The following PAMR1 variants were observed in gnomAD, a reference collection of about 807,000 sequenced individuals.
PAMR1 encodes peptidase domain containing associated with muscle regeneration 1, also known as inactive serine protease PAMR1.
Under a neutral mutation model 81.8 loss-of-function variants are expected in PAMR1, and 88 were observed. The ratio of observed to expected loss-of-function variants is 1.08; its 90% CI spans 0.91 to 1.28. The LOEUF (loss-of-function observed/expected upper bound fraction) is 1.28. Ranked by LOEUF, PAMR1 falls within the 50% of genes most tolerant of loss-of-function variation. The pLI, the probability that PAMR1 is intolerant of heterozygous loss-of-function variation, is 0.00. For synonymous variants in PAMR1, 336 were observed against 345.3 expected (o/e 0.97, Z 0.30); for missense variants, 935 against 919.7 (o/e 1.02, Z -0.21).
At chr11:35,440,867 A>C (rs186121382) in intron 7 of PAMR1, among the ~76,000 whole-genome samples, 90 of 152,152 alleles carry the variant, frequency 5.9e-4, no homozygotes, top group African/African-American at 2.1e-3. Context: ...CTTCACATCT[A>C]CAAATCCTCT....
chr11:35,438,780 G>A (rs1316589767), intron 8 of PAMR1, among the ~76,000 whole-genome samples: 1 of 152,172 alleles, frequency 6.6e-6, no homozygotes, highest in African/African-American at 2.4e-5. Context: ...AACAGAAACA[G>A]ACTACAGGCT....
chr11:35,492,749 T>C (rs774971829), intron 2 of PAMR1, among the ~76,000 whole-genome samples: 7 of 152,164 alleles, frequency 4.6e-5, no homozygotes, highest in Non-Finnish European at 1.0e-4. Context: ...TGTCTAACAA[T>C]AGGCTCACCG....
chr11:35,475,738 T>C (rs189383716), intron 3 of PAMR1, among the ~76,000 whole-genome samples: 8 of 152,318 alleles, frequency 5.3e-5, no homozygotes, highest in African/African-American at 1.7e-4. Context: ...AATAAGGTTT[T>C]ATTGGAACAC....
intron 1 of PAMR1, among the ~76,000 whole-genome samples, chr11:35,500,736 C>T (rs1257270377): frequency 6.6e-6 from 1 of 152,190 alleles, no homozygotes; most frequent in Non-Finnish European, 1.5e-5. Flanking sequence ...AGTGTATTTA[C>T]ACAAATCTAA....
chr11:35,498,270 G>A (rs1350707032), intron 1 of PAMR1, among the ~76,000 whole-genome samples: 3 of 152,162 alleles, frequency 2.0e-5, no homozygotes, highest in Non-Finnish European at 4.4e-5. Context: ...GAGGGAGAGT[G>A]AGAGAGAACA....
Position 35,434,763 on chromosome 11 carries a change from C to CT in PAMR1, c.1374dup (p.Gly459ArgfsTer19). The CT allele has an allele frequency of 6.2e-7, 1 of 1,614,122 alleles. No homozygotes were observed. Among genetic ancestry groups the CT allele is most frequent in the African/African-American group, 1.3e-5 (1 of 75,020 alleles). On this transcript the variant is annotated frameshift_variant, in exon 10 of 11. Coordinates refer to ENST00000619888, the MANE Select transcript of PAMR1 (RefSeq NM_001001991.3). LOFTEE classifies it high-confidence loss of function. ...GCTGCCTGCCACGGCCAGCGCAACC[C>CT]TTGGGTCTTTGGAGCAGTGATGTTC...
intron 1 of PAMR1, among the ~76,000 whole-genome samples, chr11:35,520,176 T>C (rs1005233450): frequency 6.6e-6 from 1 of 152,146 alleles, no homozygotes; most frequent in Admixed American, 6.5e-5. Flanking sequence ...CCATTGATGA[T>C]TGTATCATCA....
chr11:35,517,840 G>A (rs1035464647), intron 1 of PAMR1, among the ~76,000 whole-genome samples: 3 of 152,214 alleles, frequency 2.0e-5, no homozygotes, highest in Non-Finnish European at 4.4e-5. Context: ...CCTGGCACCC[G>A]ATAGGGGCTT....
intron 4 of PAMR1, among the ~76,000 whole-genome samples, chr11:35,472,615 G>GC (rs1017333537): frequency 3.9e-5 from 6 of 152,220 alleles, no homozygotes; most frequent in African/African-American, 1.4e-4. Flanking sequence ...GGTCAAAGAA[G>GC]CCCCCTCTGA....
chr11:35,484,371 CT>C (rs1850460440), intron 3 of PAMR1, among the ~76,000 whole-genome samples: 1 of 152,202 alleles, frequency 6.6e-6, no homozygotes, highest in African/African-American at 2.4e-5. Flanking sequence ...GAGCATTGTT[CT>C]TTTTCTGGGA....
intron 1 of PAMR1, among the ~76,000 whole-genome samples, chr11:35,508,729 T>C (rs1217398511): frequency 7.4e-6 from 1 of 135,956 alleles, no homozygotes; most frequent in East Asian, 2.3e-4. Flanking sequence ...CATTGTTCCC[T>C]TGTGGAACAC....
chr11:35,432,446 C>T lies in PAMR1; in HGVS notation c.2073G>A (p.Trp691Ter). 6.2e-7 allele frequency: 1 copy of T among 1,614,178 alleles called. No individual in the cohort carries two copies. Among genetic ancestry groups the T allele is most frequent in the Non-Finnish European group, 8.5e-7 (1 of 1,180,038 alleles). ...TGTGGCTGCATGTTTTATCATAGCT[C>T]CAGCTGACCAGTCCCATCAGATGCC... Reference protein sequence around the residue: ...PRWHLMGLVSWSYDKTCSHRL... With the variant: ...PRWHLMGLVS The change falls in exon 11 of 11, where the codon TGG becomes TGA. Residue 691 changes from tryptophan to a stop codon, truncating the protein, a stop_gained. Transcript: ENST00000619888. LOFTEE classifies it high-confidence loss of function.
intron 1 of PAMR1, among the ~76,000 whole-genome samples, chr11:35,512,793 C>T (rs998078007): frequency 4.6e-5 from 7 of 152,240 alleles, no homozygotes; most frequent in Middle Eastern, 6.8e-3. Flanking sequence ...AGGAGTTTGA[C>T]ACCAGCCTGG....
At chr11:35,467,402 C>T (rs1208923376) in intron 6 of PAMR1, among the ~76,000 whole-genome samples, 2 of 152,222 alleles carry the variant, frequency 1.3e-5, no homozygotes, top group South Asian at 2.1e-4. Flanking sequence ...ATGCACATCA[C>T]ATTCCATGCT....
intron 1 of PAMR1, among the ~76,000 whole-genome samples, chr11:35,510,679 A>G (rs576971265): frequency 2.0e-5 from 3 of 152,292 alleles, no homozygotes; most frequent in South Asian, 2.1e-4. Flanking sequence ...GAGTCTTATT[A>G]TCTCTCAAAA....
chr11:35,447,098 T>A (rs986520957), intron 6 of PAMR1, among the ~76,000 whole-genome samples: 4 of 152,204 alleles, frequency 2.6e-5, no homozygotes, highest in Admixed American at 1.3e-4. Flanking sequence ...CCCTTCTTTA[T>A]CTTTTTTGAT....
intron 1 of PAMR1, among the ~76,000 whole-genome samples, chr11:35,514,087 T>G (rs1851120351): frequency 1.3e-5 from 2 of 151,838 alleles, no homozygotes; most frequent in African/African-American, 2.4e-5. Context: ...AATCTGCCCC[T>G]CCTTTATGCT....
chr11:35,450,733 T>A (rs1258078169), intron 6 of PAMR1, among the ~76,000 whole-genome samples: 1 of 152,232 alleles, frequency 6.6e-6, no homozygotes, highest in African/African-American at 2.4e-5. Flanking sequence ...AGATTTCATT[T>A]AAAAATCTAT....
chr11:35,484,040 A>G (rs1320286693), intron 3 of PAMR1, among the ~76,000 whole-genome samples: 2 of 152,182 alleles, frequency 1.3e-5, no homozygotes, highest in Non-Finnish European at 1.5e-5. Flanking sequence ...CAACTAACAA[A>G]TAGAGCTCAT....
Sources: allele counts gnomAD v4.1 joint callset (sites outside exome capture counted in the v4.1 genomes callset), GRCh38; gene constraint gnomAD v4.1.1; transcripts MANE v1.5; gene names NCBI Gene and HGNC (gene_info 2026-07-23, HGNC 2026-07-21).